CRTC3: variants seen among roughly 807,000 people sequenced by gnomAD.
The protein encoded by CRTC3 is CREB-regulated transcription coactivator 3.
CRTC3 carries 26 observed loss-of-function variants against 74.5 expected under a neutral mutation model. That is an observed-to-expected ratio of 0.35 (90% CI 0.26 to 0.48). The LOEUF is 0.48. Among genes scored for constraint, CRTC3 ranks in the 20% least tolerant of loss-of-function variants. The pLI, the probability that CRTC3 is intolerant of heterozygous loss-of-function variation, is 0.99. For missense variants in CRTC3, 760 were observed against 787.3 expected, an observed-to-expected ratio of 0.97 and a Z score of 0.41; for synonymous variants, 377 against 325.8, an observed-to-expected ratio of 1.16 and a Z score of -1.69.
intron 2 of CRTC3, among the ~76,000 whole-genome samples, chr15:90,590,191 G>C (rs1488507933): frequency 6.6e-6 from 1 of 151,752 alleles, no homozygotes; most frequent in Non-Finnish European, 1.5e-5. Flanking sequence ...TACTGGGGAG[G>C]CTGAGGCAGG....
intron 2 of CRTC3, among the ~76,000 whole-genome samples, chr15:90,541,497 C>A (rs1036303166): frequency 6.6e-6 from 1 of 152,132 alleles, no homozygotes; most frequent in African/African-American, 2.4e-5. Context: ...TGACAATGGA[C>A]TCTTTACCAT....
Position 90,530,228 on chromosome 15 carries a change from G to C in CRTC3, c.132+25G>C. 1 of 1,096,040 alleles carries C rather than the reference G, an allele frequency of 9.1e-7. No individual in the cohort carries two copies. 67.9% of individuals were successfully genotyped at this position (1,096,040 alleles called of 1,614,324 possible). A position where few individuals can be genotyped will look rare whatever the true frequency, so the allele number is the denominator to read the frequency against. On this transcript the variant is annotated intron_variant, in intron 1 of 14. Coordinates refer to ENST00000268184, the MANE Select transcript of CRTC3 (RefSeq NM_022769.5). This position sits in a 1 kb window ranked among gnomAD's most constrained non-coding sequence, Gnocchi z 6.2. ...GGTGAGGGCCCGGGCCGGCGCGGGC[G>C]GGGGCGGCCACGGCCGCGGGCGGGA...
intron 1 of CRTC3, among the ~76,000 whole-genome samples, chr15:90,536,315 A>G (rs936024847): frequency 9.2e-5 from 14 of 151,934 alleles, no homozygotes; most frequent in East Asian, 3.9e-4. Flanking sequence ...GCGGGTAGAT[A>G]GCTTGAGCCC....
At chr15:90,570,709 A>C (rs1967243651) in intron 2 of CRTC3, among the ~76,000 whole-genome samples, 1 of 152,206 alleles carries the variant, frequency 6.6e-6, no homozygotes. Flanking sequence ...ATGCATCCTC[A>C]TAAGAGTTCA....
chr15:90,597,557 GCATGGCCTATTA>G (rs1272697430), intron 3 of CRTC3, among the ~76,000 whole-genome samples: 20 of 152,192 alleles, frequency 1.3e-4, no homozygotes, highest in Non-Finnish European at 2.8e-4. Flanking sequence ...TCTTTGAGAT[GCATGGCCTATTA>G]CATTTGAGAA....
intron 11 of CRTC3, among the ~76,000 whole-genome samples, chr15:90,636,216 C>T (rs1443532453): frequency 4.5e-4 from 69 of 151,848 alleles, no homozygotes; most frequent in Non-Finnish European, 8.7e-4. Flanking sequence ...GAGATATAGA[C>T]CAATGGAACA....
intron 2 of CRTC3, among the ~76,000 whole-genome samples, chr15:90,573,409 T>C (rs1373494642): frequency 2.0e-5 from 3 of 152,256 alleles, no homozygotes; most frequent in African/African-American, 7.2e-5. Flanking sequence ...CTGTGACTGC[T>C]GTGTTACAAT....
intron 2 of CRTC3, among the ~76,000 whole-genome samples, chr15:90,573,300 C>T (rs79876813): frequency 0.017 from 2,606 of 152,188 alleles, 43 homozygotes; most frequent in Non-Finnish European, 0.023. Context: ...GTCTGTCTAC[C>T]GTAATCTTCC....
At chr15:90,560,473 C>T (rs1354167538) in intron 2 of CRTC3, among the ~76,000 whole-genome samples, 4 of 152,228 alleles carry the variant, frequency 2.6e-5, no homozygotes, top group Admixed American at 1.3e-4. Context: ...GGGCAGAATT[C>T]GCTTTTAGCT....
intron 2 of CRTC3, among the ~76,000 whole-genome samples, chr15:90,572,232 A>G (rs1967286869): frequency 6.6e-6 from 1 of 151,536 alleles, no homozygotes; most frequent in Admixed American, 6.6e-5. Context: ...ACCTAAAGAT[A>G]TATATTCTTT....
At position 90,593,385 on chromosome 15, in the gene CRTC3, A is replaced by G. The variant is rs75157994; in HGVS notation, c.232-251A>G. On this transcript the variant is annotated intron_variant, in intron 2 of 14. Transcript: ENST00000268184. ...ACCGTCTTCTGATTCTCCTCCCCCA[A>G]TTGCATGACAACTTTTATTATTCTT... is the stretch of plus-strand genomic sequence containing the variant. Among the ~76,000 whole-genome samples, 3,297 of 152,126 alleles carry G rather than the reference A, an allele frequency of 0.022. 112 individuals are homozygous for G. The highest frequency in any genetic ancestry group is 0.072 in the African/African-American group (2,987 of 41,488).
intron 2 of CRTC3, among the ~76,000 whole-genome samples, chr15:90,560,476 T>C (rs902992965): frequency 6.6e-6 from 1 of 152,222 alleles, no homozygotes; most frequent in Non-Finnish European, 1.5e-5. Flanking sequence ...CAGAATTCGC[T>C]TTTAGCTTAC....
At chr15:90,587,371 A>G (rs1967690105) in intron 2 of CRTC3, among the ~76,000 whole-genome samples, 1 of 152,196 alleles carries the variant, frequency 6.6e-6, no homozygotes, top group South Asian at 2.1e-4. Context: ...CTGTTTCATT[A>G]CAGAAAGAGT....
At chr15:90,591,888 A>T (rs1425664019) in intron 2 of CRTC3, among the ~76,000 whole-genome samples, 3 of 152,218 alleles carry the variant, frequency 2.0e-5, no homozygotes, top group Admixed American at 1.3e-4. Context: ...TCAATATATT[A>T]TTCTCTAGAA....
chr15:90,627,117 TGA>T (rs777291373), intron 10 of CRTC3, among the ~76,000 whole-genome samples: 3 of 152,242 alleles, frequency 2.0e-5, no homozygotes, highest in African/African-American at 4.8e-5. Flanking sequence ...ACCACCCAAA[TGA>T]GAGTGGTCCC....
At chr15:90,579,934 C>T (rs1967498715) in intron 2 of CRTC3, among the ~76,000 whole-genome samples, 1 of 151,936 alleles carries the variant, frequency 6.6e-6, no homozygotes, top group Admixed American at 6.6e-5. Flanking sequence ...GAGCCACCTG[C>T]CCAGACACGT....
intron 2 of CRTC3, among the ~76,000 whole-genome samples, chr15:90,549,397 A>G (rs1966850332): frequency 6.6e-6 from 1 of 152,174 alleles, no homozygotes; most frequent in Non-Finnish European, 1.5e-5. Flanking sequence ...GAACATAATT[A>G]ATAAAATTGC....
At chr15:90,539,031 G>A (rs578139508) in intron 1 of CRTC3, among the ~76,000 whole-genome samples, 1 of 152,294 alleles carries the variant, frequency 6.6e-6, no homozygotes, top group South Asian at 2.1e-4. Context: ...ACAGCACCTG[G>A]CCCATCCTAG....
intron 2 of CRTC3, among the ~76,000 whole-genome samples, chr15:90,559,804 G>C (rs1046170176): frequency 6.6e-6 from 1 of 152,074 alleles, no homozygotes; most frequent in Non-Finnish European, 1.5e-5. Flanking sequence ...TTTGTTACCC[G>C]GCTCATTTTT....
Sources: allele counts gnomAD v4.1 joint callset (sites outside exome capture counted in the v4.1 genomes callset), GRCh38; gene constraint gnomAD v4.1.1; non-coding constraint Gnocchi (gnomAD v3.1); transcripts MANE v1.5; gene names NCBI Gene and HGNC (gene_info 2026-07-23, HGNC 2026-07-21).